The following PCNX4 variants were observed in gnomAD, a reference collection of about 807,000 sequenced individuals.
PCNX4 encodes pecanex-like protein 4.
In PCNX4, 103 loss-of-function variants were observed where a neutral mutation model predicts 107.2. The observed-to-expected ratio is 0.96, with a 90% CI of 0.82 to 1.13. The LOEUF is 1.13. Among genes scored for constraint, PCNX4 ranks in the 50% most tolerant of loss-of-function variants. PCNX4 has a pLI of 0.00. For missense variants in PCNX4, 1,528 were observed against 1,379.4 expected, an observed-to-expected ratio of 1.11 and a Z score of -1.71; for synonymous variants, 541 against 481.7, an observed-to-expected ratio of 1.12 and a Z score of -1.61.
intron 8 of PCNX4, 104 bp from the exon 9 acceptor site, chr14:60,124,114 T>C: frequency 1.0e-6 from 1 of 954,092 alleles, no homozygotes; most frequent in South Asian, 2.3e-5. Context: ...TTTTGTCATT[T>C]TCCATATTTT....
At position 60,146,994 on chromosome 14, in the gene PCNX4, A is replaced by T. The variant is rs1896422262; in HGVS notation, c.*12773A>T. The stretch of plus-strand genomic sequence containing the variant: ...ACACCTATGATCCCAACACTTTGGG[A>T]GGCCAAGGTAGGTGGATCGCCTGAG... On this transcript the variant is annotated 3_prime_UTR_variant, in exon 11 of 11. Transcript: ENST00000406854. This position sits in a 1 kb window ranked among gnomAD's most constrained non-coding sequence, Gnocchi z 4.9. 6.6e-6 allele frequency: 1 copy of T among 152,392 alleles called. No homozygotes were observed. The highest frequency in any genetic ancestry group is 2.4e-5 in the African/African-American group (1 of 41,582). 9.4% of individuals were successfully genotyped at this position (152,392 alleles called of 1,614,324 possible).
chr14:60,119,852 C>T (rs1189514876), intron 7 of PCNX4, among the ~76,000 whole-genome samples: 2 of 152,154 alleles, frequency 1.3e-5, no homozygotes, highest in Non-Finnish European at 2.9e-5. Context: ...CAATTTGACA[C>T]TACCAAGTAT....
rs192269112 is a variant in PCNX4, at chr14:60,115,959, A to G, written c.1477A>G (p.Asn493Asp). The change falls in exon 6 of 11, where the codon AAT becomes GAT. Residue 493 changes from asparagine to aspartate, a missense_variant. By Grantham distance (23) the Asn-to-Asp change is conservative. Coordinates refer to ENST00000406854, the MANE Select transcript of PCNX4 (RefSeq NM_001330177.2). ...ACTGCAGGTATGGCAGAATACAGAA[A>G]ATGCTTTATTGGAGACAGTCATTGT... ...AFRMVWQNTENALLETVIVST... is the reference protein window; with the variant it reads ...AFRMVWQNTEDALLETVIVST... 243 of 1,611,362 alleles carry G rather than the reference A, an allele frequency of 1.5e-4. No individual in the cohort carries two copies. Among genetic ancestry groups the G allele is most frequent in the Admixed American group, 9.0e-4 (54 of 59,774 alleles).
Position 60,115,140 on chromosome 14 carries a change from G to C in PCNX4, c.1036G>C (p.Gly346Arg). The change falls in exon 4 of 11, where the codon GGT becomes CGT. Residue 346 changes from glycine to arginine, a missense_variant. Coordinates refer to ENST00000406854, the MANE Select transcript of PCNX4 (RefSeq NM_001330177.2). ...IGTKSKDLPS[G>R]PEKHFSWKEC... is the part of the protein sequence containing the mutation. ...AACCAAATCTAAGGATTTACCCAGT[G>C]GTCCGGAAAAACATTTTTCATGGAA... 1.2e-6 allele frequency: 2 copies of C among 1,613,474 alleles called. No individual in the cohort carries two copies. Among genetic ancestry groups the C allele is most frequent in the South Asian group, 2.2e-5 (2 of 91,060 alleles).
In PCNX4 at chr14:60,099,251, A is replaced by G. The variant is rs141736565; in HGVS notation, c.-54+6832A>G. Among the ~76,000 whole-genome samples, 817 of 152,202 alleles carry G rather than the reference A, an allele frequency of 5.4e-3. 6 individuals carry two copies. The highest frequency in any genetic ancestry group is 0.019 in the African/African-American group (782 of 41,516). Reference sequence around the variant, plus strand: ...GTTTGTTTTCTTTTCCAGGTATAAAATTTTCCGTTTTCCAAATTACTAAAT... The same window carrying G: ...GTTTGTTTTCTTTTCCAGGTATAAAGTTTTCCGTTTTCCAAATTACTAAAT... On this transcript the variant is annotated intron_variant, in intron 1 of 10. Transcript: ENST00000406854.
rs760696669 is a variant in PCNX4, at chr14:60,124,822, C to G, written c.2651C>G (p.Pro884Arg). 4 of 1,613,756 alleles carry G rather than the reference C, an allele frequency of 2.5e-6. No homozygotes were observed. The highest frequency in any genetic ancestry group is 3.3e-5 in the Admixed American group (2 of 60,002). Residue 884 changes from proline (P) to arginine (R), a missense_variant, in exon 9 of 11, where the codon CCT becomes CGT. Transcript: ENST00000406854. ...TACAAAGCAGTTCTATTAGGATACC[C>G]TGCTGTTGACAAAGGAAAACAAGAG... ...DLYKAVLLGY[P>R]AVDKGKQEDM...
intron 2 of PCNX4, among the ~76,000 whole-genome samples, chr14:60,112,729 C>T (rs577942489): frequency 1.3e-5 from 2 of 152,174 alleles, no homozygotes; most frequent in African/African-American, 2.4e-5. Context: ...ACATGTTTTC[C>T]TTGACCTTCC....
chr14:60,097,811 C>G (rs909420647), intron 1 of PCNX4, among the ~76,000 whole-genome samples: 1 of 152,182 alleles, frequency 6.6e-6, no homozygotes, highest in Admixed American at 6.5e-5. Flanking sequence ...AGATTTTTAG[C>G]TGACAGACTC....
chr14:60,098,981 G>A (rs1285952181), intron 1 of PCNX4, among the ~76,000 whole-genome samples: 1 of 151,860 alleles, frequency 6.6e-6, no homozygotes. Flanking sequence ...CCAGAATTTA[G>A]CTGTCTATCC....
In PCNX4 at chr14:60,148,065, CTTTTTGATTTTTCACACTCTGGACA is replaced by C. The variant is rs1202442419; in HGVS notation, c.*13849_*13873del. 2 of 152,186 alleles carry C rather than the reference CTTTTTGATTTTTCACACTCTGGACA, an allele frequency of 1.3e-5. No individual in the cohort carries two copies. The highest frequency in any genetic ancestry group is 2.9e-5 in the Non-Finnish European group (2 of 68,042). The allele number at this position is 152,186 out of a possible 1,614,324, so 9.4% of individuals were successfully genotyped here. ...CTACTTGGTAGAAAACGAAAAGCTC[CTTTTTGATTTTTCACACTCTGGACA>C]TTTTAGTGTGTCATGACCCAGTCTG... On this transcript the variant is annotated 3_prime_UTR_variant, in exon 11 of 11. Coordinates refer to ENST00000406854, the MANE Select transcript of PCNX4 (RefSeq NM_001330177.2). The surrounding 1 kb of genome is among the most constrained non-coding windows in gnomAD (Gnocchi z 4.8).
chr14:60,093,654 G>T (rs1033033445), intron 1 of PCNX4, among the ~76,000 whole-genome samples: 3 of 152,098 alleles, frequency 2.0e-5, no homozygotes, highest in Non-Finnish European at 4.4e-5. Context: ...AATCTTTTGT[G>T]TACAGATTTT....
Position 60,115,725 on chromosome 14 carries a change from C to G in PCNX4, c.1364C>G (p.Pro455Arg), listed in dbSNP as rs756054073. 1.9e-6 allele frequency: 3 copies of G among 1,611,632 alleles called. No individual in the cohort carries two copies. The highest frequency in any genetic ancestry group is 2.2e-5 in the East Asian group (1 of 44,814). Residue 455 changes from proline to arginine, a missense_variant, in exon 5 of 11, where the codon CCT (proline) becomes CGT (arginine). Pro to Arg is a moderately radical substitution (Grantham distance 103). Transcript: ENST00000406854. ...TCTTTTTGTTTTGTTTTAGTATCACCTTTTGCCATGATAGCATTTCTTTCA... is the reference window on the plus strand; with the variant it reads ...TCTTTTTGTTTTGTTTTAGTATCACGTTTTGCCATGATAGCATTTCTTTCA... The part of the protein sequence containing the change: ...VRRILLTLVS[P>R]FAMIAFLSLD...
intron 9 of PCNX4, 123 bp downstream of exon 9, chr14:60,125,374 A>G: frequency 9.1e-7 from 1 of 1,096,734 alleles, no homozygotes; most frequent in Non-Finnish European, 1.2e-6. Flanking sequence ...TTCAAAATGA[A>G]AAAAATGTTT....
Position 60,144,951 on chromosome 14 carries a change from G to T in PCNX4, c.*10730G>T. ...ATTTCTCCCTCCAGTGGCTTGAAAAGTACAGGTGCTCTTTTCAGTCATGTT... is the reference window on the plus strand; with the variant it reads ...ATTTCTCCCTCCAGTGGCTTGAAAATTACAGGTGCTCTTTTCAGTCATGTT... On this transcript the variant is annotated 3_prime_UTR_variant, in exon 11 of 11. Transcript: ENST00000406854. The T allele has an allele frequency of 3.1e-6, 5 of 1,601,588 alleles. No homozygotes were observed. Among genetic ancestry groups the T allele is most frequent in the Non-Finnish European group, 4.3e-6 (5 of 1,170,826 alleles).
At chr14:60,097,665 A>G (rs1407269524) in intron 1 of PCNX4, among the ~76,000 whole-genome samples, 1 of 152,230 alleles carries the variant, frequency 6.6e-6, no homozygotes, top group Non-Finnish European at 1.5e-5. Flanking sequence ...CTAAAAAGCT[A>G]AGGGAATACC....
chr14:60,102,767 T>TTAA (rs1895557281), intron 1 of PCNX4, among the ~76,000 whole-genome samples: 1 of 152,156 alleles, frequency 6.6e-6, no homozygotes, highest in Non-Finnish European at 1.5e-5. Context: ...CTTCTGGGAA[T>TTAA]TAATAGTCTT....
At position 60,144,077 on chromosome 14, in the gene PCNX4, G is replaced by A. The variant is rs1896340496; in HGVS notation, c.*9856G>A. On this transcript the variant is annotated 3_prime_UTR_variant, in exon 11 of 11. Transcript: ENST00000406854. The stretch of plus-strand genomic sequence containing the variant: ...GTAATACCATCTATCTTAGTGGGCT[G>A]TTATGAGGAATGAGTTAATTAACTA... 1 of 152,118 alleles carries A rather than the reference G, an allele frequency of 6.6e-6. No individual in the cohort carries two copies. Among genetic ancestry groups the A allele is most frequent in the African/African-American group, 2.4e-5 (1 of 41,408 alleles). The allele number at this position is 152,118 out of a possible 1,614,324, so 9.4% of individuals were successfully genotyped here.
At chr14:60,130,883 C>G (rs1460860810) in intron 10 of PCNX4, among the ~76,000 whole-genome samples, 1 of 151,948 alleles carries the variant, frequency 6.6e-6, no homozygotes. Flanking sequence ...AGGCGGATCA[C>G]CTGAAGTCAG....
rs546925110 is a variant in PCNX4 at position 60,124,231 on chromosome 14, A to T, written c.2060A>T (p.Gln687Leu). The T allele has an allele frequency of 2.5e-6, 4 of 1,582,076 alleles. No individual in the cohort carries two copies. The highest frequency in any genetic ancestry group is 4.5e-5 in the East Asian group (2 of 44,212). The change falls in exon 9 of 11, where the codon CAG (glutamine) becomes CTG (leucine). Residue 687 changes from glutamine (Q) to leucine (L), a missense_variant. Transcript: ENST00000406854. ...TTTCTTCTTTAGGGGTTAGAATTGC[A>T]GGAAACATCCTGTCATACTGCAGAA... ...CSINIKGLEL[Q>L]ETSCHTAEAR... is the part of the protein sequence containing the mutation.
Sources: gnomAD v4.1 joint callset for allele counts (sites outside exome capture counted in the v4.1 genomes callset) on GRCh38, gnomAD v4.1.1 for gene constraint, Gnocchi (gnomAD v3.1) non-coding constraint, MANE v1.5 for transcripts, NCBI Gene and HGNC (gene_info 2026-07-23, HGNC 2026-07-21) for gene names.